The following ZFP2 variants were observed in gnomAD, a reference collection of about 807,000 sequenced individuals.
The protein encoded by ZFP2 is zinc finger protein ZFP2.
Under a neutral mutation model 36.1 loss-of-function variants are expected in ZFP2, and 33 were observed. The observed-to-expected ratio is 0.92, with a 90% CI of 0.69 to 1.22. ZFP2 has a LOEUF of 1.22. ZFP2 is among the 50% of genes most tolerant of loss of function. ZFP2 has a pLI of 0.00. For missense variants in ZFP2, 522 were observed against 551.4 expected, an observed-to-expected ratio of 0.95 and a Z score of 0.53; for synonymous variants, 170 against 178.0, an observed-to-expected ratio of 0.96 and a Z score of 0.36.
In ZFP2 at chr5:178,915,322, C is replaced by CTTTTTTT. The variant is rs769089977; in HGVS notation, c.-223-1226_-223-1220dup. 7.4e-3 allele frequency among the ~76,000 whole-genome samples: 539 copies of CTTTTTTT among 72,656 alleles called. 5 individuals are homozygous for CTTTTTTT. The highest frequency in any genetic ancestry group is 0.01 in the Non-Finnish European group (418 of 40,232). The allele number at this position is 72,656 out of a possible 152,430, so 47.7% of individuals were successfully genotyped here. ...GGTTAGAACCTAAAGGTTTTTCTTTCTTTTTTTTTTTTTTTTTTTTTTTGA... is the reference window on the plus strand; with the variant it reads ...GGTTAGAACCTAAAGGTTTTTCTTTCTTTTTTTTTTTTTTTTTTTTTTTTTTTTTTGA... On this transcript the variant is annotated intron_variant, in intron 3 of 4. Coordinates refer to ENST00000361362, the MANE Select transcript of ZFP2 (RefSeq NM_030613.4).
At position 178,931,636 on chromosome 5, in the gene ZFP2, GC is replaced by G; in HGVS notation, c.324del (p.Ser108ArgfsTer64). ...GKKIYECNQCSKTFSQSSSLL... is the reference protein window; with the variant it reads ...GKKIYECNQCXKTFSQSSSLL... ...AAGATCTATGAATGTAATCAGTGCA[GC>G]AAAACCTTCAGTCAGAGCTCATCCC... On this transcript the variant is annotated frameshift_variant, in exon 5 of 5. Coordinates refer to ENST00000361362, the MANE Select transcript of ZFP2 (RefSeq NM_030613.4). LOFTEE classifies it high-confidence loss of function. 2 of 1,614,148 alleles carry G rather than the reference GC, an allele frequency of 1.2e-6. No individual in the cohort carries two copies. Among genetic ancestry groups the G allele is most frequent in the African/African-American group, 1.3e-5 (1 of 75,060 alleles).
chr5:178,929,537 TTGCTAAAGCATAGCAAAAATGACCTTTGC>T (rs1758773817), intron 4 of ZFP2, among the ~76,000 whole-genome samples: 1 of 152,210 alleles, frequency 6.6e-6, no homozygotes, highest in South Asian at 2.1e-4. Context: ...GCCAAGGTCT[TTGCTAAAGCATAGCAAAAATGACCTTTGC>T]TGCAGTTCCC....
intron 1 of ZFP2, chr5:178,909,801 A>T: frequency 6.3e-7 from 1 of 1,592,734 alleles, no homozygotes; most frequent in South Asian, 1.1e-5. Context: ...TTCCCACTCC[A>T]CAAAGGTGTC....
chr5:178,926,617 C>T (rs573601520), intron 4 of ZFP2, among the ~76,000 whole-genome samples: 13 of 152,062 alleles, frequency 8.5e-5, no homozygotes, highest in East Asian at 5.8e-4. Context: ...CCCAGGTTCA[C>T]GCCATTCTCC....
intron 1 of ZFP2, among the ~76,000 whole-genome samples, chr5:178,910,778 T>A (rs1277691798): frequency 1.3e-5 from 2 of 151,970 alleles, no homozygotes; most frequent in Non-Finnish European, 2.9e-5. Flanking sequence ...GGTCCAACCC[T>A]CCTACCATCC....
intron 1 of ZFP2, chr5:178,910,360 A>T (rs541916975): frequency 9.4e-7 from 1 of 1,067,178 alleles, no homozygotes; most frequent in South Asian, 1.2e-5. Flanking sequence ...CCCTGCAAGG[A>T]AGACTCCTCG....
intron 1 of ZFP2, among the ~76,000 whole-genome samples, chr5:178,900,549 G>A (rs1581826058): frequency 2.0e-5 from 1 of 50,172 alleles, no homozygotes; most frequent in South Asian, 1.3e-3. Context: ...CAGTGTCCTC[G>A]TGCCACTTCT....
intron 1 of ZFP2, among the ~76,000 whole-genome samples, chr5:178,902,034 C>CT (rs1172109313): frequency 2.0e-5 from 3 of 152,214 alleles, no homozygotes; most frequent in Admixed American, 6.5e-5. Flanking sequence ...ACTCAGGAGG[C>CT]TGAGGTGGGA....
chr5:178,902,082 G>A (rs578054403), intron 1 of ZFP2, among the ~76,000 whole-genome samples: 1 of 152,258 alleles, frequency 6.6e-6, no homozygotes, highest in South Asian at 2.1e-4. Context: ...TTGCAGTGAC[G>A]TGAGATCACT....
At chr5:178,921,010 G>C (rs377175254) in intron 4 of ZFP2, among the ~76,000 whole-genome samples, 1 of 152,178 alleles carries the variant, frequency 6.6e-6, no homozygotes, top group East Asian at 1.9e-4. Flanking sequence ...AGACTACAAA[G>C]TCCAACCAGC....
chr5:178,902,626 A>G (rs1247012806), intron 1 of ZFP2, among the ~76,000 whole-genome samples: 2 of 152,214 alleles, frequency 1.3e-5, no homozygotes, highest in African/African-American at 4.8e-5. Context: ...ATTAATTAAA[A>G]TTTGAATGGC....
At chr5:178,930,313 C>CTT (rs1758799729) in intron 4 of ZFP2, among the ~76,000 whole-genome samples, 1 of 121,006 alleles carries the variant, frequency 8.3e-6, no homozygotes, top group Non-Finnish European at 1.8e-5. Flanking sequence ...TTTTCCCTTT[C>CTT]CTTTTTTTTT....
chr5:178,906,360 A>T (rs1407075101), intron 1 of ZFP2, among the ~76,000 whole-genome samples: 1 of 152,056 alleles, frequency 6.6e-6, no homozygotes, highest in African/African-American at 2.4e-5. Flanking sequence ...AAAGAGGCTT[A>T]TTTTTGTTTT....
At chr5:178,931,112 C>A in intron 4 of ZFP2, 125 bp from the exon 5 acceptor site, 1 of 1,087,010 alleles carries the variant, frequency 9.2e-7, no homozygotes, top group Non-Finnish European at 1.2e-6. Context: ...TGTTTGAAAG[C>A]TCTCAAATGT....
chr5:178,901,522 C>T (rs934990776), intron 1 of ZFP2, among the ~76,000 whole-genome samples: 1 of 152,172 alleles, frequency 6.6e-6, no homozygotes, highest in Admixed American at 6.5e-5. Flanking sequence ...TTTGGTGTTC[C>T]TTGGTTCATG....
chr5:178,923,553 G>A (rs1324676543), intron 4 of ZFP2, among the ~76,000 whole-genome samples: 1 of 149,396 alleles, frequency 6.7e-6, no homozygotes, highest in Non-Finnish European at 1.5e-5. Flanking sequence ...TAGCAGAAAT[G>A]GTTTAGGAGT....
rs114565773 is a variant in ZFP2 at position 178,903,201 on chromosome 5, T to C, written c.-450+7227T>C. Among the ~76,000 whole-genome samples the C allele has an allele frequency of 6.5e-3, 991 of 152,352 alleles. 12 individuals carry two copies. The highest frequency in any genetic ancestry group is 0.023 in the African/African-American group (944 of 41,576). Reference sequence around the variant, plus strand: ...AGTACAGTAATAGACTTGGGACATATCAATGCAACATTAGAGCTGTTTTCC... The same window carrying C: ...AGTACAGTAATAGACTTGGGACATACCAATGCAACATTAGAGCTGTTTTCC... On this transcript the variant is annotated intron_variant, in intron 1 of 4. Transcript: ENST00000361362.
rs934726935 is a variant in ZFP2, at chr5:178,932,133, C to T, written c.820C>T (p.Gln274Ter). Residue 274 changes from glutamine to a stop codon, truncating the protein, a stop_gained, in exon 5 of 5, where the codon CAA becomes TAA. Coordinates refer to ENST00000361362, the MANE Select transcript of ZFP2 (RefSeq NM_030613.4). LOFTEE classifies it high-confidence loss of function. ...HTGEKPYECS[Q>*]CGKAFSKSST... Reference sequence around the variant, plus strand: ...TGGAGAAAAACCCTATGAGTGTAGTCAATGTGGAAAAGCCTTTAGTAAGAG... The same window carrying T: ...TGGAGAAAAACCCTATGAGTGTAGTTAATGTGGAAAAGCCTTTAGTAAGAG... 1.9e-6 allele frequency: 3 copies of T among 1,612,564 alleles called. No individual in the cohort carries two copies. The highest frequency in any genetic ancestry group is 2.5e-6 in the Non-Finnish European group (3 of 1,179,016).
intron 4 of ZFP2, among the ~76,000 whole-genome samples, chr5:178,928,823 T>C (rs1434706156): frequency 1.3e-5 from 2 of 152,242 alleles, no homozygotes; most frequent in African/African-American, 4.8e-5. Flanking sequence ...ATTTCTCCTC[T>C]GCACTGCCCT....
Sources: allele counts gnomAD v4.1 joint callset (sites outside exome capture counted in the v4.1 genomes callset), GRCh38; gene constraint gnomAD v4.1.1; transcripts MANE v1.5; gene names NCBI Gene and HGNC (gene_info 2026-07-23, HGNC 2026-07-21).